The following TANGO6 variants were observed in gnomAD, a reference collection of about 807,000 sequenced individuals.
TANGO6 encodes transport and Golgi organization protein 6 homolog.
In TANGO6, 90 loss-of-function variants were observed where a neutral mutation model predicts 114.2. That is an observed-to-expected ratio of 0.79 (90% CI 0.66 to 0.94). The LOEUF (loss-of-function observed/expected upper bound fraction) is 0.94. Among genes scored for constraint, TANGO6 ranks in the 40% least tolerant of loss-of-function variants. The pLI is 0.00. For missense variants in TANGO6, 1,274 were observed against 1,315.3 expected, an observed-to-expected ratio of 0.97 and a Z score of 0.49; for synonymous variants, 477 against 509.8, an observed-to-expected ratio of 0.94 and a Z score of 0.87.
chr16:68,873,838 G>A (rs1962315136), intron 4 of TANGO6, among the ~76,000 whole-genome samples: 2 of 152,100 alleles, frequency 1.3e-5, no homozygotes, highest in African/African-American at 4.8e-5. Context: ...CTTTGATCCT[G>A]GCTTTTCAGC....
intron 14 of TANGO6, among the ~76,000 whole-genome samples, chr16:68,949,878 A>T (rs997001230): frequency 1.3e-5 from 2 of 152,158 alleles, no homozygotes; most frequent in African/African-American, 4.8e-5. Context: ...AAAAATTGAA[A>T]CAACATACAT....
chr16:68,903,612 T>A (rs1962812010), intron 9 of TANGO6, among the ~76,000 whole-genome samples: 1 of 91,102 alleles, frequency 1.1e-5, no homozygotes. Context: ...GGCGAGACCA[T>A]CTCAAAAAAA....
At chr16:68,963,593 G>A (rs1394127599) in intron 14 of TANGO6, among the ~76,000 whole-genome samples, 3 of 152,158 alleles carry the variant, frequency 2.0e-5, no homozygotes, top group African/African-American at 7.2e-5. Flanking sequence ...CTACATGTTA[G>A]ATGTGGACCT....
intron 1 of TANGO6, among the ~76,000 whole-genome samples, chr16:68,853,731 C>T (rs138582065): frequency 1.3e-3 from 204 of 152,260 alleles, no homozygotes; most frequent in African/African-American, 4.6e-3. Context: ...ACCAACTGAG[C>T]TTTGATCATG....
In TANGO6 at chr16:68,907,523, C is replaced by T; in HGVS notation, c.1748C>T (p.Ser583Phe). The T allele has an allele frequency of 6.2e-7, 1 of 1,613,666 alleles. No individual in the cohort carries two copies. Among genetic ancestry groups the T allele is most frequent in the Non-Finnish European group, 8.5e-7 (1 of 1,179,808 alleles). ...GRVEHLGDLL[S>F]HCQECGLAGD... ...GTGGAGCATCTCGGGGACTTGCTGT[C>T]CCACTGCCAGGAATGCGGTTTGGCA... is the stretch of plus-strand genomic sequence containing the variant. The change falls in exon 10 of 18, where the codon TCC becomes TTC. Residue 583 changes from serine to phenylalanine, a missense_variant. Physicochemically the swap from Ser to Phe is radical, Grantham distance 155. Around this residue, in one of 5 missense-constraint regions of TANGO6, gnomAD observed 908 missense variants for 910.2 expected, o/e 1.00. Coordinates refer to ENST00000261778, the MANE Select transcript of TANGO6 (RefSeq NM_024562.2).
intron 17 of TANGO6, among the ~76,000 whole-genome samples, chr16:69,058,634 G>C (rs1225191042): frequency 6.6e-6 from 1 of 152,140 alleles, no homozygotes; most frequent in Non-Finnish European, 1.5e-5. Flanking sequence ...GACAAACCTG[G>C]GTTCCTGAGA....
intron 17 of TANGO6, among the ~76,000 whole-genome samples, chr16:69,043,308 G>C (rs1175432367): frequency 6.7e-6 from 1 of 150,250 alleles, no homozygotes; most frequent in Non-Finnish European, 1.5e-5. Context: ...GTGTGTGTGT[G>C]TGTGTGTGTG....
chr16:69,055,027 T>G (rs984508347), intron 17 of TANGO6, among the ~76,000 whole-genome samples: 2 of 152,138 alleles, frequency 1.3e-5, no homozygotes, highest in Admixed American at 1.3e-4. Flanking sequence ...CCAATTTTTT[T>G]TTTTTATCCC....
chr16:68,884,545 A>G (rs549574073), intron 7 of TANGO6, among the ~76,000 whole-genome samples: 1 of 152,320 alleles, frequency 6.6e-6, no homozygotes, highest in East Asian at 1.9e-4. Context: ...CAGAAAGACC[A>G]TGTCCCATCT....
At position 68,909,269 on chromosome 16, in the gene TANGO6, G is replaced by C. The variant is rs917276293; in HGVS notation, c.1859G>C (p.Ser620Thr). 1.9e-6 allele frequency: 3 copies of C among 1,609,204 alleles called. No homozygotes were observed. The African/African-American group carries it at 4.0e-5, about 22-fold the overall frequency. The change falls in exon 11 of 18, where the codon AGC (serine) becomes ACC (threonine). Residue 620 changes from serine (S) to threonine (T), a missense_variant. Transcript: ENST00000261778. ...ETELKTEPFS[S>T]KSLLELEQHQ... is the part of the protein sequence containing the mutation. ...GAGTTAAAAACTGAGCCCTTCTCCA[G>C]CAAGAGCCTCTTGGAATTAGAGCAA...
chr16:68,859,741 G>GTACC (rs1962058637), intron 1 of TANGO6, 143 bp from the exon 2 acceptor site: 2 of 877,980 alleles, frequency 2.3e-6, no homozygotes, highest in Non-Finnish European at 3.4e-6. Context: ...GGCTGGGTTG[G>GTACC]TACCCCTGGG....
intron 15 of TANGO6, among the ~76,000 whole-genome samples, chr16:68,985,999 G>A (rs915276495): frequency 1.3e-5 from 2 of 152,178 alleles, no homozygotes; most frequent in Non-Finnish European, 2.9e-5. Context: ...GGGTGGAAGA[G>A]GGGAGAGAGG....
intron 5 of TANGO6, among the ~76,000 whole-genome samples, chr16:68,876,090 T>A (rs1048923263): frequency 1.8e-4 from 28 of 152,196 alleles, no homozygotes; most frequent in African/African-American, 6.8e-4. Context: ...CATATGTTAA[T>A]GTATGTATAT....
intron 7 of TANGO6, among the ~76,000 whole-genome samples, chr16:68,888,619 C>T (rs184839258): frequency 3.4e-4 from 51 of 152,178 alleles, no homozygotes; most frequent in African/African-American, 1.1e-3. Context: ...GGAATTTTGC[C>T]TTTAATTATC....
In TANGO6 at chr16:69,033,884, C is replaced by G. The variant is rs143104026; in HGVS notation, c.2995-6424C>G. 579 of 172,976 alleles carry G rather than the reference C, an allele frequency of 3.3e-3. 1 individual carries two copies. The highest frequency in any genetic ancestry group is 5.6e-3 in the Non-Finnish European group (441 of 78,382). The allele number at this position is 172,976 out of a possible 1,614,324, so 10.7% of individuals were successfully genotyped here. On this transcript the variant is annotated intron_variant, in intron 16 of 17. Transcript: ENST00000261778. ...GGTCAAGGATATGAAGATCAAGTCC[C>G]TGGAGACCTATCTCTTCTCCCTGCC...
chr16:68,873,063 G>C (rs1335359920), intron 4 of TANGO6, among the ~76,000 whole-genome samples: 1 of 151,280 alleles, frequency 6.6e-6, no homozygotes, highest in African/African-American at 2.4e-5. Context: ...TCACAGAGCT[G>C]TGCAGTCATC....
At chr16:69,047,946 A>G (rs906143682) in intron 17 of TANGO6, among the ~76,000 whole-genome samples, 3 of 152,178 alleles carry the variant, frequency 2.0e-5, no homozygotes, top group African/African-American at 7.2e-5. Flanking sequence ...TCTATTCTCT[A>G]TCTGTTTTGT....
Position 69,074,246 on chromosome 16 carries a change from G to C in TANGO6, c.3109-9239G>C, listed in dbSNP as rs546101596. 4.1e-4 allele frequency among the ~76,000 whole-genome samples: 63 copies of C among 151,978 alleles called. 1 individual carries two copies. Among genetic ancestry groups the C allele is most frequent in the Non-Finnish European group, 7.5e-4 (51 of 67,990 alleles). On this transcript the variant is annotated intron_variant, in intron 17 of 17. Transcript: ENST00000261778. ...TAGGGAAAACAAATAACAACAACAA[G>C]AAGAAAGTACCATTAGTGCTGTGTG...
At chr16:68,899,727 G>A (rs1477408) in intron 7 of TANGO6, among the ~76,000 whole-genome samples, 2,423 of 151,984 alleles carry the variant, frequency 0.016, 73 homozygotes, top group African/African-American at 0.055. Context: ...AGCCTACCAC[G>A]TAGTTAGGAC....
Sources: allele counts gnomAD v4.1 joint callset (sites outside exome capture counted in the v4.1 genomes callset), GRCh38; gene constraint gnomAD v4.1.1; regional missense constraint gnomAD v4.1.1; transcripts MANE v1.5; gene names NCBI Gene and HGNC (gene_info 2026-07-23, HGNC 2026-07-21).